Variants in NCAM2 observed in about 807,000 individuals in gnomAD.
NCAM2 encodes the protein neural cell adhesion molecule 2, also known as N-CAM-2.
A neutral mutation model predicts 98.1 loss-of-function variants in NCAM2; 30 were observed. The ratio of observed to expected loss-of-function variants is 0.31; its 90% CI spans 0.23 to 0.41. NCAM2 has a LOEUF of 0.41. Among genes scored for constraint, NCAM2 ranks in the 10% least tolerant of loss-of-function variants. The probability of loss-of-function intolerance (pLI) is 1.00; values close to 1 mark genes in which losing one functional copy is unlikely to be tolerated. For missense variants in NCAM2, 867 were observed against 1,005.8 expected, an observed-to-expected ratio of 0.86 and a Z score of 1.87; for synonymous variants, 368 against 342.4, an observed-to-expected ratio of 1.07 and a Z score of -0.83.
chr21:21,049,740 G>A (rs1405279667), intron 1 of NCAM2, among the ~76,000 whole-genome samples: 1 of 151,974 alleles, frequency 6.6e-6, no homozygotes, highest in African/African-American at 2.4e-5. Flanking sequence ...TCATGGTGAT[G>A]CATGCCAGTA....
chr21:21,397,936 C>T (rs945773240), intron 9 of NCAM2, among the ~76,000 whole-genome samples: 2 of 152,232 alleles, frequency 1.3e-5, no homozygotes, highest in Non-Finnish European at 1.5e-5. Flanking sequence ...AATGCCACTA[C>T]TGGGTCATTA....
At chr21:21,353,715 T>A (rs775476183) in intron 8 of NCAM2, among the ~76,000 whole-genome samples, 24 of 152,186 alleles carry the variant, frequency 1.6e-4, no homozygotes, top group Non-Finnish European at 2.4e-4. Flanking sequence ...CTGTGGGAAG[T>A]GAGTCAGTTT....
intron 1 of NCAM2, among the ~76,000 whole-genome samples, chr21:21,256,205 A>C (rs934441311): frequency 2.0e-5 from 3 of 151,904 alleles, no homozygotes; most frequent in Non-Finnish European, 4.4e-5. Flanking sequence ...AAACAACAAA[A>C]ATTAGCTGGG....
intron 1 of NCAM2, among the ~76,000 whole-genome samples, chr21:21,037,948 C>T (rs2064830764): frequency 6.6e-6 from 1 of 152,166 alleles, no homozygotes. Flanking sequence ...TTAATGTAGA[C>T]AATCTCAACA....
At chr21:21,249,174 C>T (rs1381812983) in intron 1 of NCAM2, among the ~76,000 whole-genome samples, 1 of 152,114 alleles carries the variant, frequency 6.6e-6, no homozygotes, top group African/African-American at 2.4e-5. Flanking sequence ...ATCCATGATC[C>T]TTTCCTCAGT....
In NCAM2 at chr21:21,287,854, C is replaced by A. The variant is rs2073154197; in HGVS notation, c.481+1442C>A. Among the ~76,000 whole-genome samples, 7 of 151,938 alleles carry A rather than the reference C, an allele frequency of 4.6e-5. 1 individual carries two copies. In the South Asian group the frequency reaches 1.0e-3, roughly 22 times the overall value. On this transcript the variant is annotated intron_variant, in intron 4 of 17. Transcript: ENST00000400546. Reference sequence around the variant, plus strand: ...TCCTTGGCCCTGAAGCTTTGAACATCTTTTCTAAATGTTCTGTGCCTAAAT... The same window carrying A: ...TCCTTGGCCCTGAAGCTTTGAACATATTTTCTAAATGTTCTGTGCCTAAAT...
chr21:21,488,377 C>T (rs897334473), intron 15 of NCAM2, among the ~76,000 whole-genome samples: 5 of 151,774 alleles, frequency 3.3e-5, no homozygotes, highest in Admixed American at 6.6e-5. Flanking sequence ...GTTTCAACCA[C>T]GTACAATTAA....
chr21:21,086,131 A>G (rs1162291388), intron 1 of NCAM2, among the ~76,000 whole-genome samples: 3 of 152,212 alleles, frequency 2.0e-5, no homozygotes, highest in Non-Finnish European at 1.5e-5. Flanking sequence ...ATGAGATAGA[A>G]TGTTCTTTGT....
At chr21:21,474,275 G>A (rs921747869) in intron 14 of NCAM2, among the ~76,000 whole-genome samples, 5 of 152,144 alleles carry the variant, frequency 3.3e-5, no homozygotes, top group Admixed American at 2.0e-4. Context: ...ACATGTTAGA[G>A]CTCCCTTTGG....
intron 1 of NCAM2, among the ~76,000 whole-genome samples, chr21:21,216,588 T>A (rs2069909940): frequency 1.3e-5 from 2 of 152,216 alleles, no homozygotes; most frequent in Admixed American, 1.3e-4. Flanking sequence ...TACTGTGAGA[T>A]TAGGGAACAT....
At position 20,998,466 on chromosome 21, in the gene NCAM2, C is replaced by CTCT; in HGVS notation, c.-98_-97insTCT. ...GGCTGGGGCACCGCGGGAGCGGCGG[C>CTCT]GGCGGCTCTAGCAGAGGCGGCCGGG... On this transcript the variant is annotated 5_prime_UTR_variant, in exon 1 of 18. Coordinates refer to ENST00000400546, the MANE Select transcript of NCAM2 (RefSeq NM_004540.5). The CTCT allele has an allele frequency of 1.6e-6, 2 of 1,213,184 alleles. No homozygotes were observed. The highest frequency in any genetic ancestry group is 3.0e-5 in the South Asian group (2 of 66,704). The allele number at this position is 1,213,184 out of a possible 1,614,324, so 75.2% of individuals were successfully genotyped here. A position where few individuals can be genotyped will look rare whatever the true frequency, so the allele number is the denominator to read the frequency against.
intron 9 of NCAM2, among the ~76,000 whole-genome samples, chr21:21,383,885 T>C (rs2076210166): frequency 6.6e-6 from 1 of 152,088 alleles, no homozygotes; most frequent in Non-Finnish European, 1.5e-5. Context: ...ATTATTTTTG[T>C]AATGTAAGAT....
At chr21:21,424,867 A>G (rs371190568) in intron 11 of NCAM2, among the ~76,000 whole-genome samples, 111 of 151,810 alleles carry the variant, frequency 7.3e-4, no homozygotes, top group African/African-American at 2.5e-3. Flanking sequence ...CCCCATCTCT[A>G]CTAGAAATAC....
At chr21:21,419,535 G>A (rs2145963064) in intron 11 of NCAM2, among the ~76,000 whole-genome samples, 2 of 109,270 alleles carry the variant, frequency 1.8e-5, no homozygotes, top group South Asian at 6.3e-4. Flanking sequence ...AATAGTCCCT[G>A]GAGTGTGATG....
chr21:21,251,555 T>C (rs2071471378), intron 1 of NCAM2, among the ~76,000 whole-genome samples: 2 of 152,270 alleles, frequency 1.3e-5, no homozygotes, highest in South Asian at 2.1e-4. Context: ...CAGTCTATCA[T>C]TGATGCGCAT....
At chr21:21,525,733 T>C (rs781120419) in intron 16 of NCAM2, among the ~76,000 whole-genome samples, 2 of 152,114 alleles carry the variant, frequency 1.3e-5, no homozygotes, top group African/African-American at 2.4e-5. Flanking sequence ...AATATCTTTC[T>C]AAACATAGAT....
intron 13 of NCAM2, among the ~76,000 whole-genome samples, chr21:21,467,786 G>T (rs13050725): frequency 0.4 from 60,091 of 151,364 alleles, 13,340 homozygotes; most frequent in Non-Finnish European, 0.51. Flanking sequence ...CTGAGTCTGG[G>T]GAAGTCAAGG....
intron 10 of NCAM2, among the ~76,000 whole-genome samples, chr21:21,411,145 T>C (rs1179704344): frequency 1.1e-5 from 1 of 94,340 alleles, no homozygotes; most frequent in Non-Finnish European, 2.3e-5. Flanking sequence ...TGTATATATA[T>C]ATACATATAT....
rs377166309 is a variant in NCAM2, at chr21:21,303,615, T to G, written c.619+11374T>G. On this transcript the variant is annotated intron_variant, in intron 5 of 17. Transcript: ENST00000400546. ...ATGGGCATGTTTTTATATCTCTTGG[T>G]TAAATACCTGTGAGAGGTAATGGCT... 3.9e-5 allele frequency among the ~76,000 whole-genome samples: 6 copies of G among 152,162 alleles called. No homozygotes were observed. The East Asian group carries it at 1.2e-3, about 29-fold the overall frequency.
Sources: allele counts gnomAD v4.1 joint callset (sites outside exome capture counted in the v4.1 genomes callset), GRCh38; gene constraint gnomAD v4.1.1; transcripts MANE v1.5; gene names NCBI Gene and HGNC (gene_info 2026-07-23, HGNC 2026-07-21).